The following FGF5 variants were observed in gnomAD, a reference collection of about 807,000 sequenced individuals.
FGF5 encodes the protein fibroblast growth factor 5, also known as heparin-binding growth factor 5.
A neutral mutation model predicts 21.8 loss-of-function variants in FGF5; 23 were observed. The observed-to-expected ratio is 1.05, with a 90% CI of 0.76 to 1.49. FGF5 has a LOEUF of 1.49. FGF5 is among the 40% of genes most tolerant of loss of function. The pLI is 0.00. For synonymous variants in FGF5, 158 were observed against 124.0 expected (o/e 1.27, Z -1.82); for missense variants, 352 against 332.9 (o/e 1.06, Z -0.45).
chr4:80,286,398 T>C lies in FGF5; in HGVS notation c.533T>C (p.Ile178Thr), dbSNP rs767175395. 6.2e-7 allele frequency: 1 copy of C among 1,613,806 alleles called. No homozygotes were observed. Among genetic ancestry groups the C allele is most frequent in the Admixed American group, 1.7e-5 (1 of 59,952 alleles). ...AGCTATAATACCTATGCCTCAGCAA[T>C]ACATAGAACTGAAAAAACAGGGCGG... Reference protein sequence around the residue: ...ENSYNTYASAIHRTEKTGREW... With the variant: ...ENSYNTYASATHRTEKTGREW... Residue 178 changes from isoleucine to threonine, a missense_variant, in exon 3 of 3, where the codon ATA becomes ACA. By Grantham distance (89) the Ile-to-Thr change is moderately conservative. Transcript: ENST00000312465.
At chr4:80,279,162 G>C (rs1720490219) in intron 2 of FGF5, among the ~76,000 whole-genome samples, 2 of 152,192 alleles carry the variant, frequency 1.3e-5, no homozygotes, top group Admixed American at 1.3e-4. Flanking sequence ...GACACAGTTA[G>C]ATTGCCCCAG....
rs1187108915 is a variant in FGF5 at position 80,266,875 on chromosome 4, C to T, written c.51C>T (p.Ser17=). ...LLLFFSHLIL[S]AWAHGEKRLA... ...TCTTCTTCAGCCACCTGATCCTCAG[C>T]GCCTGGGCTCACGGGGAGAAGCGTC... The change falls in exon 1 of 3, where the codon AGC becomes AGT. Residue 17 remains serine (S), a synonymous_variant. Transcript: ENST00000312465. The T allele has an allele frequency of 2.5e-6, 4 of 1,611,628 alleles. No individual in the cohort carries two copies. The highest frequency in any genetic ancestry group is 3.4e-6 in the Non-Finnish European group (4 of 1,178,912).
intron 2 of FGF5, among the ~76,000 whole-genome samples, chr4:80,285,620 C>G (rs1720689769): frequency 6.6e-6 from 1 of 152,172 alleles, no homozygotes; most frequent in Non-Finnish European, 1.5e-5. Flanking sequence ...TGCTTTTCCA[C>G]TATTCTGTAA....
Position 80,275,022 on chromosome 4 carries a change from AC to A in FGF5, c.459+12del. The A allele has an allele frequency of 8.1e-7, 1 of 1,228,998 alleles. No homozygotes were observed. Among genetic ancestry groups the A allele is most frequent in the South Asian group, 1.3e-5 (1 of 75,680 alleles). 76.1% of individuals were successfully genotyped at this position (1,228,998 alleles called of 1,614,324 possible). ...AAAACTCCATGCAAGTGTAAGTAGAACCACTTTATATTTGTTAAAGGTGCTA... is the reference window on the plus strand; with the variant it reads ...AAAACTCCATGCAAGTGTAAGTAGAACACTTTATATTTGTTAAAGGTGCTA... On this transcript the variant is annotated intron_variant, in intron 2 of 2. Coordinates refer to ENST00000312465, the MANE Select transcript of FGF5 (RefSeq NM_004464.4).
intron 2 of FGF5, among the ~76,000 whole-genome samples, chr4:80,282,822 T>C (rs1720594705): frequency 6.6e-6 from 1 of 152,174 alleles, no homozygotes; most frequent in Admixed American, 6.5e-5. Flanking sequence ...TCTATCATTT[T>C]AAAAGTGTAT....
At chr4:80,285,192 C>G (rs1283512113) in intron 2 of FGF5, among the ~76,000 whole-genome samples, 1 of 152,160 alleles carries the variant, frequency 6.6e-6, no homozygotes, top group African/African-American at 2.4e-5. Context: ...CACTCTTCCC[C>G]CATTCTCCCA....
intron 1 of FGF5, among the ~76,000 whole-genome samples, chr4:80,267,637 T>C (rs374506129): frequency 6.6e-6 from 1 of 152,182 alleles, no homozygotes; most frequent in African/African-American, 2.4e-5. Flanking sequence ...TCCCAAATAC[T>C]TCCCTCTTCC....
chr4:80,276,928 T>C (rs1720430008), intron 2 of FGF5, among the ~76,000 whole-genome samples: 1 of 152,144 alleles, frequency 6.6e-6, no homozygotes, highest in Non-Finnish European at 1.5e-5. Flanking sequence ...TTTCTCTTAC[T>C]GGTTTGTTTT....
At position 80,290,338 on chromosome 4, in the gene FGF5, T is replaced by A. The variant is rs968007892; in HGVS notation, c.*3666T>A. 1 of 151,384 alleles carries A rather than the reference T, an allele frequency of 6.6e-6. No individual in the cohort carries two copies. Among genetic ancestry groups the A allele is most frequent in the Non-Finnish European group, 1.5e-5 (1 of 67,804 alleles). 9.4% of individuals were successfully genotyped at this position (151,384 alleles called of 1,614,324 possible). A position where few individuals can be genotyped will look rare whatever the true frequency, so the allele number is the denominator to read the frequency against. On this transcript the variant is annotated 3_prime_UTR_variant, in exon 3 of 3. Coordinates refer to ENST00000312465, the MANE Select transcript of FGF5 (RefSeq NM_004464.4). Reference sequence around the variant, plus strand: ...CTCTGGATAAATGGACAAGGCCTAATTTTTTTTTGTAGTCAATCCAACTGT... The same window carrying A: ...CTCTGGATAAATGGACAAGGCCTAAATTTTTTTTGTAGTCAATCCAACTGT...
Position 80,271,400 on chromosome 4 carries a change from A to AGC in FGF5, c.356-3509_356-3508insGC, listed in dbSNP as rs397841435. ...GTCAATGCTGAAATTCCACAAAGAGAATAATTCCTTCTGTTAAGCATTCTC... is the reference window on the plus strand; with the variant it reads ...GTCAATGCTGAAATTCCACAAAGAGAGCATAATTCCTTCTGTTAAGCATTCTC... On this transcript the variant is annotated intron_variant, in intron 1 of 2. Transcript: ENST00000312465. Among the ~76,000 whole-genome samples the AGC allele has an allele frequency of 2.0e-5, 3 of 151,268 alleles. No homozygotes were observed. In the East Asian group the frequency reaches 5.9e-4, roughly 29 times the overall value.
intron 2 of FGF5, among the ~76,000 whole-genome samples, chr4:80,281,193 CT>C (rs1180622358): frequency 1.3e-5 from 2 of 152,004 alleles, no homozygotes; most frequent in East Asian, 3.9e-4. Context: ...CCTCTGGGTG[CT>C]TGCTATCCTG....
chr4:80,271,707 C>T (rs1267110875), intron 1 of FGF5, among the ~76,000 whole-genome samples: 3 of 152,144 alleles, frequency 2.0e-5, no homozygotes, highest in African/African-American at 7.2e-5. Flanking sequence ...CAAGCTTGGC[C>T]TTCCACAGTT....
At chr4:80,272,393 T>A (rs1033562070) in intron 1 of FGF5, among the ~76,000 whole-genome samples, 1 of 152,162 alleles carries the variant, frequency 6.6e-6, no homozygotes, top group South Asian at 2.1e-4. Context: ...ATACATTACA[T>A]GCAACTTGTA....
intron 1 of FGF5, chr4:80,268,404 C>A (rs1174712083): frequency 2.6e-6 from 2 of 782,642 alleles, no homozygotes; most frequent in African/African-American, 3.8e-5. Flanking sequence ...TCAGTGTCAG[C>A]CTGGTTGCTC....
intron 1 of FGF5, among the ~76,000 whole-genome samples, chr4:80,269,053 C>T (rs1720195798): frequency 6.6e-6 from 1 of 152,172 alleles, no homozygotes; most frequent in African/African-American, 2.4e-5. Flanking sequence ...AGAAAACTTT[C>T]TTTCTTCTGT....
chr4:80,274,089 T>C (rs1368803489), intron 1 of FGF5, among the ~76,000 whole-genome samples: 1 of 152,174 alleles, frequency 6.6e-6, no homozygotes, highest in Non-Finnish European at 1.5e-5. Context: ...ATGTGTTTTA[T>C]CTTATTAAAC....
At chr4:80,270,485 G>T (rs530100598) in intron 1 of FGF5, among the ~76,000 whole-genome samples, 8 of 151,834 alleles carry the variant, frequency 5.3e-5, no homozygotes, top group African/African-American at 1.9e-4. Flanking sequence ...TATACTCTTA[G>T]CTTCTCTTAC....
intron 1 of FGF5, among the ~76,000 whole-genome samples, chr4:80,274,556 A>G (rs773210941): frequency 4.6e-5 from 7 of 152,114 alleles, no homozygotes; most frequent in African/African-American, 1.7e-4. Flanking sequence ...TTGATGAAGA[A>G]ACAATGGAGG....
chr4:80,277,653 A>G (rs1720451019), intron 2 of FGF5, among the ~76,000 whole-genome samples: 1 of 152,096 alleles, frequency 6.6e-6, no homozygotes, highest in Non-Finnish European at 1.5e-5. Context: ...ATCATCCCCA[A>G]AAAAGGTTAA....
Sources: gnomAD v4.1 joint callset for allele counts (sites outside exome capture counted in the v4.1 genomes callset) on GRCh38, gnomAD v4.1.1 for gene constraint, MANE v1.5 for transcripts, NCBI Gene and HGNC (gene_info 2026-07-23, HGNC 2026-07-21) for gene names.